TSPAN9: variants seen among roughly 807,000 people sequenced by gnomAD.
TSPAN9 encodes tetraspanin 9.
TSPAN9 carries 16 observed loss-of-function variants against 31.0 expected under a neutral mutation model. That is an observed-to-expected ratio of 0.52 (90% CI 0.35 to 0.78). The LOEUF is 0.78. Ranked by LOEUF, TSPAN9 falls within the 30% of genes least tolerant of loss-of-function variation. The pLI is 0.01. For missense variants in TSPAN9, 272 were observed against 312.5 expected (o/e 0.87, Z 0.98); for synonymous variants, 145 against 121.6 (o/e 1.19, Z -1.27).
intron 2 of TSPAN9, among the ~76,000 whole-genome samples, chr12:3,138,473 C>CT (rs11379851): frequency 0.38 from 56,889 of 150,548 alleles, 11,975 homozygotes; most frequent in Admixed American, 0.5. Context: ...TTCTTTTTTT[C>CT]TTTTTTTTGA....
At chr12:3,267,765 G>A (rs1225048505) in intron 3 of TSPAN9, among the ~76,000 whole-genome samples, 1 of 152,204 alleles carries the variant, frequency 6.6e-6, no homozygotes, top group Non-Finnish European at 1.5e-5. Flanking sequence ...CTTGGGAGTT[G>A]AGACAGTGCC....
intron 2 of TSPAN9, among the ~76,000 whole-genome samples, chr12:3,142,298 A>G (rs534929349): frequency 6.6e-6 from 1 of 152,202 alleles, no homozygotes; most frequent in Non-Finnish European, 1.5e-5. Context: ...CCCACTTGGC[A>G]ACTGAGTTTC....
intron 2 of TSPAN9, among the ~76,000 whole-genome samples, chr12:3,105,891 G>C (rs74057535): frequency 0.039 from 5,846 of 150,926 alleles, 389 homozygotes; most frequent in African/African-American, 0.13. Context: ...TGCACACATG[G>C]TCACGGGCAC....
At position 3,085,961 on chromosome 12, in the gene TSPAN9, G is replaced by A. The variant is rs549526962; in HGVS notation, c.-18+2242G>A. On this transcript the variant is annotated intron_variant, in intron 2 of 8. Coordinates refer to ENST00000011898, the MANE Select transcript of TSPAN9 (RefSeq NM_006675.5). ...CTGCCCCGTGAGTGGCGAGTGGCGG[G>A]GTCCTACTGCCTGACTTCTGTCCTG... Among the ~76,000 whole-genome samples, 5 of 152,342 alleles carry A rather than the reference G, an allele frequency of 3.3e-5. No homozygotes were observed. The South Asian group carries it at 8.3e-4, about 25-fold the overall frequency.
intron 2 of TSPAN9, among the ~76,000 whole-genome samples, chr12:3,097,713 C>G (rs981819898): frequency 1.3e-5 from 2 of 152,340 alleles, no homozygotes; most frequent in Admixed American, 6.5e-5. Flanking sequence ...CAATCCATGC[C>G]TCTGGGGGAG....
chr12:3,119,506 G>T (rs887247342), intron 2 of TSPAN9, among the ~76,000 whole-genome samples: 1 of 152,138 alleles, frequency 6.6e-6, no homozygotes, highest in Non-Finnish European at 1.5e-5. Context: ...AAATGCCCTT[G>T]CCCGTGTGAT....
chr12:3,266,343 TG>T (rs1862535853), intron 3 of TSPAN9, among the ~76,000 whole-genome samples: 1 of 152,112 alleles, frequency 6.6e-6, no homozygotes, highest in East Asian at 1.9e-4. Context: ...AAGATGCCAC[TG>T]GGTTGGGAGA....
intron 2 of TSPAN9, among the ~76,000 whole-genome samples, chr12:3,175,750 C>T (rs546581568): frequency 3.3e-5 from 5 of 152,304 alleles, no homozygotes; most frequent in Admixed American, 6.5e-5. Context: ...TGCTACCCTG[C>T]CCCACCTCCG....
At chr12:3,084,590 G>A (rs764719602) in intron 2 of TSPAN9, among the ~76,000 whole-genome samples, 2 of 152,152 alleles carry the variant, frequency 1.3e-5, no homozygotes, top group African/African-American at 4.8e-5. Flanking sequence ...TGCCTTGCAC[G>A]TTATACTTAG....
intron 1 of TSPAN9, among the ~76,000 whole-genome samples, chr12:3,082,804 G>T (rs1394678241): frequency 6.6e-6 from 1 of 152,164 alleles, no homozygotes; most frequent in African/African-American, 2.4e-5. Flanking sequence ...GCTGTTTCCG[G>T]TAGGCATTGT....
At chr12:3,230,707 CG>C (rs1481329830) in intron 3 of TSPAN9, among the ~76,000 whole-genome samples, 1 of 152,064 alleles carries the variant, frequency 6.6e-6, no homozygotes, top group Non-Finnish European at 1.5e-5. Flanking sequence ...GAGTCCATGC[CG>C]GCCTGTCCCA....
chr12:3,259,710 G>A (rs60947294), intron 3 of TSPAN9, among the ~76,000 whole-genome samples: 4,612 of 152,332 alleles, frequency 0.03, 235 homozygotes, highest in African/African-American at 0.1. Context: ...GATGGGCCTC[G>A]GACCCAGCAG....
At chr12:3,180,529 A>C (rs1044565459) in intron 2 of TSPAN9, among the ~76,000 whole-genome samples, 2 of 152,072 alleles carry the variant, frequency 1.3e-5, no homozygotes, top group Non-Finnish European at 2.9e-5. Context: ...TTATAACCCA[A>C]TAATGGGTCA....
intron 2 of TSPAN9, among the ~76,000 whole-genome samples, chr12:3,131,481 G>A (rs542757056): frequency 5.3e-5 from 8 of 152,184 alleles, no homozygotes; most frequent in African/African-American, 1.4e-4. Flanking sequence ...TTCTTCACCC[G>A]AAACTGGGGG....
At position 3,280,567 on chromosome 12, in the gene TSPAN9, G is replaced by A. The variant is rs2153980978; in HGVS notation, c.432+84G>A. ...TCTAGCTGCCTTCCCCGGTGACCTG[G>A]CCGGGCACCTGTGCTTTCTGGATTT... On this transcript the variant is annotated intron_variant, in intron 6 of 8. Coordinates refer to ENST00000011898, the MANE Select transcript of TSPAN9 (RefSeq NM_006675.5). The surrounding 1 kb of genome is among the most constrained non-coding windows in gnomAD (Gnocchi z 4.5). 1 of 1,288,050 alleles carries A rather than the reference G, an allele frequency of 7.8e-7. No individual in the cohort carries two copies. Among genetic ancestry groups the A allele is most frequent in the East Asian group, 2.5e-5 (1 of 40,298 alleles). The allele number at this position is 1,288,050 out of a possible 1,614,324, so 79.8% of individuals were successfully genotyped here.
chr12:3,186,600 ACTTTGT>A (rs2098361551), intron 2 of TSPAN9, among the ~76,000 whole-genome samples: 3 of 142,218 alleles, frequency 2.1e-5, no homozygotes, highest in East Asian at 4.5e-4. Flanking sequence ...TCTTCTAAGA[ACTTTGT>A]CTTTTTCTTT....
chr12:3,274,844 G>A (rs1474837714), intron 3 of TSPAN9, among the ~76,000 whole-genome samples: 2 of 152,266 alleles, frequency 1.3e-5, no homozygotes, highest in East Asian at 3.9e-4. Flanking sequence ...TCACTGGGCA[G>A]ACGTGCACCA....
chr12:3,201,090 C>A, intron 2 of TSPAN9, 87 bp from the exon 3 acceptor site: 1 of 1,275,686 alleles, frequency 7.8e-7, no homozygotes, highest in Non-Finnish European at 1.1e-6. Context: ...CGCGCCGAGG[C>A]CGGCGTTAAG....
intron 3 of TSPAN9, among the ~76,000 whole-genome samples, chr12:3,233,648 T>A (rs1185436408): frequency 1.3e-5 from 2 of 152,230 alleles, no homozygotes; most frequent in Non-Finnish European, 2.9e-5. Context: ...TTTTTAATAT[T>A]TCATTGTGTG....
Sources: allele counts gnomAD v4.1 joint callset (sites outside exome capture counted in the v4.1 genomes callset), GRCh38; gene constraint gnomAD v4.1.1; non-coding constraint Gnocchi (gnomAD v3.1); transcripts MANE v1.5; gene names NCBI Gene and HGNC (gene_info 2026-07-23, HGNC 2026-07-21).